The following SHB variants were observed in gnomAD, a reference collection of about 807,000 sequenced individuals.
SHB encodes the protein SH2 domain-containing adapter protein B.
Under a neutral mutation model 52.3 loss-of-function variants are expected in SHB, and 20 were observed. The observed-to-expected ratio is 0.38, with a 90% CI of 0.27 to 0.56. The LOEUF (loss-of-function observed/expected upper bound fraction) is 0.56. SHB is among the 20% of genes least tolerant of loss of function. The pLI is 0.71. For synonymous variants in SHB, 397 were observed against 316.5 expected (o/e 1.25, Z -2.70); for missense variants, 825 against 723.3 (o/e 1.14, Z -1.61).
intron 1 of SHB, among the ~76,000 whole-genome samples, chr9:38,033,038 G>A (rs1821436573): frequency 6.6e-6 from 1 of 152,196 alleles, no homozygotes; most frequent in Non-Finnish European, 1.5e-5. Context: ...ATCAGAACCA[G>A]CAAGAAAATG....
chr9:37,956,182 CA>C, intron 3 of SHB, 128 bp from the exon 4 acceptor site: 2 of 822,906 alleles, frequency 2.4e-6, no homozygotes, highest in East Asian at 2.7e-5. Flanking sequence ...GGGTTTCAAG[CA>C]ATGACATAAC....
In SHB at chr9:38,067,913, C is replaced by T; in HGVS notation, c.717+16G>A. The T allele has an allele frequency of 1.3e-6, 2 of 1,483,262 alleles. No homozygotes were observed. The highest frequency in any genetic ancestry group is 1.3e-5 in the South Asian group (1 of 75,750). The allele number at this position is 1,483,262 out of a possible 1,614,324, so 91.9% of individuals were successfully genotyped here. The stretch of plus-strand genomic sequence containing the variant: ...GTGGCTCTGGAACCTCGGGAAGAGG[C>T]CAAGGGGCACCTTACCTTGTCCTTC... On this transcript the variant is annotated intron_variant, in intron 1 of 5. Coordinates refer to ENST00000377707, the MANE Select transcript of SHB (RefSeq NM_003028.3).
intron 5 of SHB, among the ~76,000 whole-genome samples, chr9:37,921,334 A>G (rs924931805): frequency 6.6e-6 from 1 of 152,164 alleles, no homozygotes; most frequent in African/African-American, 2.4e-5. Flanking sequence ...TCGCTCCCAC[A>G]GGGGCTCTCA....
intron 5 of SHB, among the ~76,000 whole-genome samples, chr9:37,944,114 C>T (rs1471054641): frequency 6.6e-6 from 1 of 152,176 alleles, no homozygotes; most frequent in Admixed American, 6.5e-5. Flanking sequence ...GAGAGTTCTG[C>T]AGGCAGGAGG....
At chr9:38,050,699 T>C (rs1243460867) in intron 1 of SHB, among the ~76,000 whole-genome samples, 1 of 152,184 alleles carries the variant, frequency 6.6e-6, no homozygotes, top group East Asian at 1.9e-4. Context: ...TAAGAAATGC[T>C]TGAATATATA....
chr9:38,041,145 T>G (rs7873102), intron 1 of SHB, among the ~76,000 whole-genome samples: 89,558 of 152,008 alleles, frequency 0.59, 26,471 homozygotes, highest in Middle Eastern at 0.66. Context: ...CAAGTCCTTT[T>G]CTCTCTTTCT....
intron 2 of SHB, among the ~76,000 whole-genome samples, chr9:37,990,398 G>C (rs1820867990): frequency 6.6e-6 from 1 of 152,146 alleles, no homozygotes; most frequent in African/African-American, 2.4e-5. Flanking sequence ...TCAAGTTCCA[G>C]TCGAATCCAC....
chr9:38,000,702 A>C lies in SHB; in HGVS notation c.838+15309T>G, dbSNP rs919548997. Among the ~76,000 whole-genome samples the C allele has an allele frequency of 2.6e-5, 4 of 152,198 alleles. No individual in the cohort carries two copies. In the East Asian group the frequency reaches 7.7e-4, roughly 29 times the overall value. ...GGGGGCTGCTCCTCAATTCAGTCCT[A>C]TAAAGTGCATGGCATTTGGCCCTCG... On this transcript the variant is annotated intron_variant, in intron 2 of 5. Coordinates refer to ENST00000377707, the MANE Select transcript of SHB (RefSeq NM_003028.3).
chr9:37,991,812 G>A (rs1820884840), intron 2 of SHB, among the ~76,000 whole-genome samples: 1 of 152,250 alleles, frequency 6.6e-6, no homozygotes, highest in African/African-American at 2.4e-5. Flanking sequence ...CCCACAGGCT[G>A]TGCTCTGTGA....
Position 38,065,026 on chromosome 9 carries a change from G to A in SHB, c.717+2903C>T, listed in dbSNP as rs137859371. 1.4e-4 allele frequency among the ~76,000 whole-genome samples: 21 copies of A among 152,266 alleles called. No homozygotes were observed. In the East Asian group the frequency reaches 3.7e-3, roughly 27 times the overall value. Reference sequence around the variant, plus strand: ...GTTACTCAGGAGGCTAAGGCGGGAGGATTGCTTGAGGCTGGGAGGTTGAGG... The same window carrying A: ...GTTACTCAGGAGGCTAAGGCGGGAGAATTGCTTGAGGCTGGGAGGTTGAGG... On this transcript the variant is annotated intron_variant, in intron 1 of 5. Transcript: ENST00000377707.
chr9:37,920,334 A>ACAAAAC, intron 5 of SHB, among the ~76,000 whole-genome samples: 1 of 143,066 alleles, frequency 7.0e-6, no homozygotes, highest in African/African-American at 2.6e-5. Context: ...ACAAAACAAA[A>ACAAAAC]CTTAGTCCCT....
At chr9:38,005,073 G>A (rs764240691) in intron 2 of SHB, among the ~76,000 whole-genome samples, 22 of 152,180 alleles carry the variant, frequency 1.4e-4, no homozygotes, top group African/African-American at 2.7e-4. Flanking sequence ...CCCTGGCCCC[G>A]GCCTGTCCTG....
intron 2 of SHB, among the ~76,000 whole-genome samples, chr9:38,001,476 T>C (rs1161887884): frequency 1.3e-5 from 2 of 152,250 alleles, no homozygotes; most frequent in Non-Finnish European, 2.9e-5. Flanking sequence ...TGGGAAGACA[T>C]GCAAGGCTCT....
intron 3 of SHB, among the ~76,000 whole-genome samples, chr9:37,969,919 G>A (rs1208218898): frequency 6.6e-6 from 1 of 152,230 alleles, no homozygotes; most frequent in African/African-American, 2.4e-5. Flanking sequence ...GAGCAAGAAG[G>A]CCATTTCTAG....
At chr9:37,983,607 C>T (rs1587228515) in intron 2 of SHB, among the ~76,000 whole-genome samples, 1 of 152,294 alleles carries the variant, frequency 6.6e-6, no homozygotes, top group African/African-American at 2.4e-5. Flanking sequence ...GTCTGGGAAT[C>T]CATACCACTC....
At chr9:38,052,184 A>C (rs547210635) in intron 1 of SHB, among the ~76,000 whole-genome samples, 101 of 151,560 alleles carry the variant, frequency 6.7e-4, no homozygotes, top group Non-Finnish European at 1.2e-3. Flanking sequence ...AGCTCTGTCC[A>C]CCCCCAGAAC....
chr9:38,018,461 A>G (rs1490670158), intron 1 of SHB, among the ~76,000 whole-genome samples: 1 of 151,852 alleles, frequency 6.6e-6, no homozygotes, highest in Non-Finnish European at 1.5e-5. Context: ...CTCTGCTGAC[A>G]TATGGTTCCA....
chr9:38,026,187 G>A (rs1034907481), intron 1 of SHB, among the ~76,000 whole-genome samples: 1 of 152,236 alleles, frequency 6.6e-6, no homozygotes, highest in Non-Finnish European at 1.5e-5. Flanking sequence ...TGAGCCAAAG[G>A]CCTTTCCTGT....
rs1041261335 is a variant in SHB, at chr9:38,019,903, A to T, written c.718-3772T>A. Among the ~76,000 whole-genome samples, 13 of 152,316 alleles carry T rather than the reference A, an allele frequency of 8.5e-5. No individual in the cohort carries two copies. The East Asian group carries it at 1.5e-3, about 18-fold the overall frequency. On this transcript the variant is annotated intron_variant, in intron 1 of 5. Coordinates refer to ENST00000377707, the MANE Select transcript of SHB (RefSeq NM_003028.3). Reference sequence around the variant, plus strand: ...TGCAGCAGGCTGAAAAAAAAAATTTAAAAAAAGCAGTTGCTCTGTGTGAGC... The same window carrying T: ...TGCAGCAGGCTGAAAAAAAAAATTTTAAAAAAGCAGTTGCTCTGTGTGAGC...
Sources: gnomAD v4.1 joint callset for allele counts (sites outside exome capture counted in the v4.1 genomes callset) on GRCh38, gnomAD v4.1.1 for gene constraint, MANE v1.5 for transcripts, NCBI Gene and HGNC (gene_info 2026-07-23, HGNC 2026-07-21) for gene names.